Variants in SNRPB2 observed in about 807,000 individuals in gnomAD.
The protein encoded by SNRPB2 is U2 small nuclear ribonucleoprotein B''.
In SNRPB2, 16 loss-of-function variants were observed where a neutral mutation model predicts 26.3. That is an observed-to-expected ratio of 0.61 (90% CI 0.41 to 0.92). The LOEUF (loss-of-function observed/expected upper bound fraction) is 0.92. Among genes scored for constraint, SNRPB2 ranks in the 40% least tolerant of loss-of-function variants. The pLI is 0.00. For synonymous variants in SNRPB2, 75 were observed against 89.0 expected (o/e 0.84, Z 0.88); for missense variants, 179 against 268.1 (o/e 0.67, Z 2.32).
intron 4 of SNRPB2, among the ~76,000 whole-genome samples, chr20:16,737,912 G>T (rs2072437841): frequency 6.6e-6 from 1 of 151,678 alleles, no homozygotes; most frequent in African/African-American, 2.4e-5. Flanking sequence ...GGTGGTGGGT[G>T]CCTGTAGTCC....
chr20:16,730,433 G>C (rs1315471513), intron 1 of SNRPB2: 2 of 152,306 alleles, frequency 1.3e-5, no homozygotes, highest in African/African-American at 4.8e-5. Context: ...GGTAATTCAG[G>C]GTGTCCCTGT....
At chr20:16,736,995 C>T (rs73900625) in intron 3 of SNRPB2, among the ~76,000 whole-genome samples, 14,493 of 152,116 alleles carry the variant, frequency 0.095, 748 homozygotes, top group African/African-American at 0.13. Flanking sequence ...AGCCGTGGTA[C>T]AGATATTTCA....
chr20:16,741,007 A>T lies in SNRPB2; in HGVS notation c.*2A>T, dbSNP rs755255998. 6 of 1,600,040 alleles carry T rather than the reference A, an allele frequency of 3.7e-6. No individual in the cohort carries two copies. The South Asian group carries it at 5.6e-5, about 15-fold the overall frequency. Reference sequence around the variant, plus strand: ...AAGATCACCTATGCCAAGAAATAACATTTGGGATAGTCGTCTTTAAAAGAC... The same window carrying T: ...AAGATCACCTATGCCAAGAAATAACTTTTGGGATAGTCGTCTTTAAAAGAC... On this transcript the variant is annotated 3_prime_UTR_variant, in exon 7 of 7. Transcript: ENST00000246071.
rs2072434598 is a variant in SNRPB2 at position 16,737,531 on chromosome 20, A to G, written c.378+130A>G. The G allele has an allele frequency of 5.5e-6, 4 of 724,220 alleles. No homozygotes were observed. In the South Asian group the frequency reaches 1.5e-4, roughly 27 times the overall value. The allele number at this position is 724,220 out of a possible 1,614,324, so 44.9% of individuals were successfully genotyped here. On this transcript the variant is annotated intron_variant, in intron 4 of 6. Transcript: ENST00000246071. ...AAATGTGTGTTTAAAAGGTGGTTTT[A>G]AGAAGCTAGAATGGTTGACTTATAA...
chr20:16,734,901 G>A (rs1450026766), intron 3 of SNRPB2, among the ~76,000 whole-genome samples: 1 of 152,226 alleles, frequency 6.6e-6, no homozygotes, highest in Non-Finnish European at 1.5e-5. Flanking sequence ...CAGGCACGAG[G>A]TTGCAGAGCC....
At position 16,731,673 on chromosome 20, in the gene SNRPB2, T is replaced by C. The variant is rs2072391827; in HGVS notation, c.-30T>C. 1 of 1,610,108 alleles carries C rather than the reference T, an allele frequency of 6.2e-7. No homozygotes were observed. The highest frequency in any genetic ancestry group is 1.7e-5 in the Admixed American group (1 of 59,604). On this transcript the variant is annotated 5_prime_UTR_variant, in exon 2 of 7. Transcript: ENST00000246071. ...CTCCTTCCTTTTTATAACAGATTTT[T>C]TACTGTCTCCTGAAGAATTTAACAC...
At chr20:16,735,390 A>G (rs1014390806) in intron 3 of SNRPB2, among the ~76,000 whole-genome samples, 4 of 152,074 alleles carry the variant, frequency 2.6e-5, no homozygotes, top group Non-Finnish European at 5.9e-5. Context: ...CCAAGGAGGA[A>G]GAGTTTGCTT....
chr20:16,733,651 C>G (rs113118154), intron 3 of SNRPB2, among the ~76,000 whole-genome samples: 2 of 152,372 alleles, frequency 1.3e-5, no homozygotes, highest in African/African-American at 4.8e-5. Flanking sequence ...TACTACTCAA[C>G]TCTGCTTTTA....
In SNRPB2 at chr20:16,740,434, GTCTGTT is replaced by G. The variant is rs767070191; in HGVS notation, c.518+26_518+31del. ...AATCAGTAAGTTTTTTCATAAATAA[GTCTGTT>G]TCTGAGAGCTTCCTCACAGGACAAG... On this transcript the variant is annotated intron_variant, in intron 6 of 6. Transcript: ENST00000246071. The G allele has an allele frequency of 1.4e-5, 23 of 1,608,298 alleles. No homozygotes were observed. In the South Asian group the frequency reaches 2.5e-4, roughly 18 times the overall value.
At chr20:16,738,769 T>C (rs560632816) in intron 4 of SNRPB2, 83 bp from the exon 5 acceptor site, 4 of 758,832 alleles carry the variant, frequency 5.3e-6, no homozygotes, top group Non-Finnish European at 9.4e-6. Context: ...ATGTTATTTT[T>C]AATGCAGTAA....
Position 16,740,869 on chromosome 20 carries a change from G to A in SNRPB2, c.542G>A (p.Arg181His), listed in dbSNP as rs1280407960. 4 of 1,611,802 alleles carry A rather than the reference G, an allele frequency of 2.5e-6. No individual in the cohort carries two copies. The highest frequency in any genetic ancestry group is 1.7e-6 in the Non-Finnish European group (2 of 1,178,218). ...FNQFPGFKEV[R>H]LVPGRHDIAF... The stretch of plus-strand genomic sequence containing the variant: ...AGGTTCCCTGGCTTCAAGGAAGTAC[G>A]TCTGGTACCAGGGAGGCATGACATT... The change falls in exon 7 of 7, where the codon CGT (arginine) becomes CAT (histidine). Residue 181 changes from arginine (R) to histidine (H), a missense_variant. Physicochemically the swap from Arg to His is conservative, Grantham distance 29 (BLOSUM62 0). This residue lies in a region of SNRPB2 where 34 missense variants were observed against 87.4 expected (regional missense o/e 0.39). Coordinates refer to ENST00000246071, the MANE Select transcript of SNRPB2 (RefSeq NM_003092.5).
At chr20:16,736,755 G>A (rs996422722) in intron 3 of SNRPB2, among the ~76,000 whole-genome samples, 4 of 152,184 alleles carry the variant, frequency 2.6e-5, no homozygotes, top group Non-Finnish European at 4.4e-5. Flanking sequence ...TTGGCCTCCA[G>A]TGGGCTCTGG....
rs2072461985 is a variant in SNRPB2, at chr20:16,741,421, T to C, written c.*416T>C. 2 of 152,846 alleles carry C rather than the reference T, an allele frequency of 1.3e-5. No individual in the cohort carries two copies. Among genetic ancestry groups the C allele is most frequent in the African/African-American group, 4.8e-5 (2 of 41,470 alleles). 9.5% of individuals were successfully genotyped at this position (152,846 alleles called of 1,614,324 possible). A position where few individuals can be genotyped will look rare whatever the true frequency, so the allele number is the denominator to read the frequency against. ...AGCTAGTAGATGACTGTTGTATTAA[T>C]GGTAACAATGATTGTTCTGGGTATT... On this transcript the variant is annotated 3_prime_UTR_variant, in exon 7 of 7. Coordinates refer to ENST00000246071, the MANE Select transcript of SNRPB2 (RefSeq NM_003092.5).
At chr20:16,740,718 C>T in intron 6 of SNRPB2, 128 bp from the exon 7 acceptor site, 1 of 733,428 alleles carries the variant, frequency 1.4e-6, no homozygotes, top group Admixed American at 2.9e-5. Context: ...CTTCCGTCTA[C>T]TCAGTATTCT....
At chr20:16,733,712 G>A (rs1400232894) in intron 3 of SNRPB2, among the ~76,000 whole-genome samples, 1 of 152,220 alleles carries the variant, frequency 6.6e-6, no homozygotes, top group East Asian at 1.9e-4. Context: ...GCTACAGACA[G>A]TAGTTTGAGG....
intron 3 of SNRPB2, among the ~76,000 whole-genome samples, chr20:16,734,924 A>G (rs1255312376): frequency 6.6e-6 from 1 of 152,214 alleles, no homozygotes; most frequent in Non-Finnish European, 1.5e-5. Flanking sequence ...GGGAGTTGTG[A>G]GGGAACCCTT....
At chr20:16,738,038 C>CAA (rs1042055719) in intron 4 of SNRPB2, among the ~76,000 whole-genome samples, 21 of 55,734 alleles carry the variant, frequency 3.8e-4, no homozygotes, top group African/African-American at 1.4e-3. Context: ...GACTCTGTCT[C>CAA]AAAAAAAAAA....
At chr20:16,736,719 G>C (rs2072428492) in intron 3 of SNRPB2, among the ~76,000 whole-genome samples, 1 of 152,140 alleles carries the variant, frequency 6.6e-6, no homozygotes, top group Non-Finnish European at 1.5e-5. Context: ...TGTGGGGTGA[G>C]GGTAGGTTTG....
At chr20:16,731,132 A>G (rs1156990385) in intron 1 of SNRPB2, among the ~76,000 whole-genome samples, 6 of 152,234 alleles carry the variant, frequency 3.9e-5, no homozygotes, top group Non-Finnish European at 7.3e-5. Context: ...TTTAATCGTC[A>G]TGCCACACTG....
Sources: allele counts gnomAD v4.1 joint callset (sites outside exome capture counted in the v4.1 genomes callset), GRCh38; gene constraint gnomAD v4.1.1; regional missense constraint gnomAD v4.1.1; transcripts MANE v1.5; gene names NCBI Gene and HGNC (gene_info 2026-07-23, HGNC 2026-07-21).